Variants in EXOC6B observed in about 807,000 individuals in gnomAD.
EXOC6B encodes SEC15 homolog B.
A neutral mutation model predicts 113.5 loss-of-function variants in EXOC6B; 54 were observed. The observed-to-expected ratio is 0.48, with a 90% CI of 0.38 to 0.60. The LOEUF is 0.60. EXOC6B is among the 20% of genes least tolerant of loss of function. EXOC6B has a pLI of 0.00. For missense variants in EXOC6B, 797 were observed against 977.5 expected (o/e 0.82, Z 2.46); for synonymous variants, 357 against 339.0 (o/e 1.05, Z -0.58).
intron 1 of EXOC6B, among the ~76,000 whole-genome samples, chr2:72,809,158 G>A (rs1170200493): frequency 6.6e-6 from 1 of 151,864 alleles, no homozygotes; most frequent in Non-Finnish European, 1.5e-5. Context: ...AGGAAGGCAT[G>A]AAAAAGAAAA....
intron 10 of EXOC6B, 27 bp from the exon 11 acceptor site, chr2:72,513,279 A>G (rs1701043312): frequency 1.9e-6 from 3 of 1,610,852 alleles, no homozygotes; most frequent in Admixed American, 1.7e-5. Flanking sequence ...AAGAAAGCAC[A>G]GCTGTCAGAA....
chr2:72,181,203 C>T (rs1572952803), intron 21 of EXOC6B, among the ~76,000 whole-genome samples: 1 of 65,420 alleles, frequency 1.5e-5, no homozygotes, highest in Non-Finnish European at 3.0e-5. Context: ...AGCGAGACTC[C>T]GTCTCAAAAA....
intron 8 of EXOC6B, among the ~76,000 whole-genome samples, chr2:72,519,799 C>T (rs900159552): frequency 2.0e-5 from 3 of 152,072 alleles, no homozygotes; most frequent in Non-Finnish European, 4.4e-5. Flanking sequence ...TGGGAACTGA[C>T]ATATTTGCGT....
At chr2:72,567,850 G>GT (rs1195141693) in intron 7 of EXOC6B, among the ~76,000 whole-genome samples, 1 of 152,028 alleles carries the variant, frequency 6.6e-6, no homozygotes, top group Non-Finnish European at 1.5e-5. Flanking sequence ...GAAAAGGAAA[G>GT]TTTTTTATAG....
At chr2:72,279,792 T>G (rs977400990) in intron 20 of EXOC6B, among the ~76,000 whole-genome samples, 77 of 151,354 alleles carry the variant, frequency 5.1e-4, no homozygotes, top group Non-Finnish European at 8.0e-4. Context: ...AATATTTGGG[T>G]TTTTTTTGTT....
At chr2:72,328,002 G>T (rs1688226820) in intron 20 of EXOC6B, among the ~76,000 whole-genome samples, 1 of 150,134 alleles carries the variant, frequency 6.7e-6, no homozygotes, top group South Asian at 2.1e-4. Context: ...TTGCTATAAA[G>T]TCAAAGTTCT....
intron 20 of EXOC6B, among the ~76,000 whole-genome samples, chr2:72,202,415 G>A (rs370633388): frequency 4.6e-5 from 7 of 152,134 alleles, no homozygotes; most frequent in African/African-American, 1.7e-4. Flanking sequence ...GCAGCCCCTG[G>A]CTTTCATCCA....
At chr2:72,472,635 T>A (rs950103012) in intron 17 of EXOC6B, among the ~76,000 whole-genome samples, 1 of 152,072 alleles carries the variant, frequency 6.6e-6, no homozygotes, top group Non-Finnish European at 1.5e-5. Flanking sequence ...CAATTTTACC[T>A]TTTCAAGGAA....
Position 72,334,946 on chromosome 2 carries a change from C to T in EXOC6B, c.2196+1G>A. 6.2e-7 allele frequency: 1 copy of T among 1,613,198 alleles called. No individual in the cohort carries two copies. The highest frequency in any genetic ancestry group is 8.5e-7 in the Non-Finnish European group (1 of 1,179,390). On this transcript the variant is annotated splice_donor_variant, in intron 20 of 21. Coordinates refer to ENST00000272427, the MANE Select transcript of EXOC6B (RefSeq NM_015189.3). LOFTEE classifies it high-confidence loss of function. ...CAAAAAACAAAAACACAAAGACTTA[C>T]TTGTCTCAAGTCGATGAAGGCCAAC...
intron 18 of EXOC6B, among the ~76,000 whole-genome samples, chr2:72,408,476 C>A (rs1014861434): frequency 7.2e-5 from 11 of 152,260 alleles, no homozygotes; most frequent in Non-Finnish European, 1.2e-4. Flanking sequence ...TACTACAAGG[C>A]TACAGTAACC....
chr2:72,464,296 C>G (rs1202406988), intron 18 of EXOC6B: 1 of 152,148 alleles, frequency 6.6e-6, no homozygotes, highest in Non-Finnish European at 1.5e-5. Context: ...GCTGAACAGA[C>G]AAGGTTTCTG....
intron 1 of EXOC6B, among the ~76,000 whole-genome samples, chr2:72,770,156 A>G (rs1209252250): frequency 6.6e-6 from 1 of 152,332 alleles, no homozygotes; most frequent in East Asian, 1.9e-4. Context: ...AAGAATGTCA[A>G]TGAAGACTGA....
rs1401932805 is a variant in EXOC6B at position 72,330,097 on chromosome 2, T to C, written c.2196+4850A>G. ...CTAGTTCATTCAGCTTTATAAAAAC[T>C]TAAGTATATATCAGAAGTAAATAAC... On this transcript the variant is annotated intron_variant, in intron 20 of 21. Transcript: ENST00000272427. Among the ~76,000 whole-genome samples, 3 of 152,026 alleles carry C rather than the reference T, an allele frequency of 2.0e-5. No homozygotes were observed. In the East Asian group the frequency reaches 5.8e-4, roughly 29 times the overall value.
chr2:72,246,137 C>T (rs1353581581), intron 20 of EXOC6B, among the ~76,000 whole-genome samples: 1 of 152,140 alleles, frequency 6.6e-6, no homozygotes, highest in Non-Finnish European at 1.5e-5. Context: ...AATCCTCCCA[C>T]CCCAGTCTCC....
At chr2:72,310,940 C>T (rs1687152239) in intron 20 of EXOC6B, among the ~76,000 whole-genome samples, 1 of 151,558 alleles carries the variant, frequency 6.6e-6, no homozygotes. Context: ...AACAAGCAAA[C>T]TCAAAAAGGT....
intron 16 of EXOC6B, among the ~76,000 whole-genome samples, chr2:72,484,524 G>C (rs1045210738): frequency 2.9e-5 from 4 of 138,502 alleles, no homozygotes; most frequent in African/African-American, 8.3e-5. Flanking sequence ...CCGAGATCAC[G>C]CCACTGCACT....
chr2:72,822,685 T>TAG (rs1348262167), intron 1 of EXOC6B, among the ~76,000 whole-genome samples: 1 of 100,124 alleles, frequency 1.0e-5, no homozygotes, highest in Non-Finnish European at 2.1e-5. Flanking sequence ...TTTAGGGATA[T>TAG]ACTAATCTAA....
intron 20 of EXOC6B, among the ~76,000 whole-genome samples, chr2:72,233,415 T>C (rs539625874): frequency 3.9e-5 from 6 of 152,232 alleles, no homozygotes; most frequent in African/African-American, 1.4e-4. Context: ...GTCTGGGCTC[T>C]GTGGGGAGCC....
At chr2:72,559,848 T>C (rs922494645) in intron 7 of EXOC6B, among the ~76,000 whole-genome samples, 2 of 152,154 alleles carry the variant, frequency 1.3e-5, no homozygotes, top group African/African-American at 2.4e-5. Flanking sequence ...ATAAGAACAA[T>C]GTGAGAATAC....
Sources: allele counts gnomAD v4.1 joint callset (sites outside exome capture counted in the v4.1 genomes callset), GRCh38; gene constraint gnomAD v4.1.1; transcripts MANE v1.5; gene names NCBI Gene and HGNC (gene_info 2026-07-23, HGNC 2026-07-21).